PTPRN2: variants seen among roughly 807,000 people sequenced by gnomAD.
PTPRN2 encodes protein tyrosine phosphatase receptor type N2.
A neutral mutation model predicts 118.8 loss-of-function variants in PTPRN2; 74 were observed. The observed-to-expected ratio is 0.62, with a 90% CI of 0.52 to 0.76. The LOEUF is 0.76. PTPRN2 is among the 30% of genes least tolerant of loss of function. The probability of loss-of-function intolerance (pLI) is 0.00; values close to 1 mark genes in which losing one functional copy is unlikely to be tolerated. For synonymous variants in PTPRN2, 641 were observed against 608.0 expected (o/e 1.05, Z -0.80); for missense variants, 1,481 against 1,394.4 (o/e 1.06, Z -0.99).
Position 157,861,313 on chromosome 7 carries a change from G to T in PTPRN2, c.1788+37360C>A, listed in dbSNP as rs764984611. On this transcript the variant is annotated intron_variant, in intron 12 of 22. Transcript: ENST00000389418. The surrounding 1 kb of genome is among the most constrained non-coding windows in gnomAD (Gnocchi z 5.8). ...AATCCGTGGGAGGATGAGAGGCCTGGATTGCACCGGAAGCACCTCCGGCTG... is the reference window on the plus strand; with the variant it reads ...AATCCGTGGGAGGATGAGAGGCCTGTATTGCACCGGAAGCACCTCCGGCTG... 5.9e-5 allele frequency among the ~76,000 whole-genome samples: 9 copies of T among 152,254 alleles called. No homozygotes were observed. The highest frequency in any genetic ancestry group is 8.8e-5 in the Non-Finnish European group (6 of 68,040).
intron 11 of PTPRN2, among the ~76,000 whole-genome samples, chr7:157,978,765 C>A (rs1260487113): frequency 6.6e-6 from 1 of 151,984 alleles, no homozygotes; most frequent in Non-Finnish European, 1.5e-5. Flanking sequence ...GAAGCCTTTT[C>A]CCCTGATTTT....
intron 11 of PTPRN2, among the ~76,000 whole-genome samples, chr7:157,966,447 TCAA>T (rs1801936671): frequency 2.0e-5 from 3 of 151,214 alleles, no homozygotes; most frequent in Admixed American, 6.6e-5. Flanking sequence ...ATTATCACCA[TCAA>T]CATCTTCATC....
chr7:157,668,608 G>A (rs566775347), intron 13 of PTPRN2, among the ~76,000 whole-genome samples: 83 of 152,360 alleles, frequency 5.4e-4, no homozygotes, highest in African/African-American at 1.8e-3. Flanking sequence ...AGAACGTGGT[G>A]AACGGGAACC....
chr7:158,180,360 C>T lies in PTPRN2; in HGVS notation c.549+11967G>A, dbSNP rs553705808. 5.9e-5 allele frequency among the ~76,000 whole-genome samples: 9 copies of T among 152,220 alleles called. No individual in the cohort carries two copies. The South Asian group carries it at 8.3e-4, about 14-fold the overall frequency. ...TGCCTACTCTTCTACCAGTACCATG[C>T]TGTTTTGGTAACTCTAGCCTTGTAG... On this transcript the variant is annotated intron_variant, in intron 5 of 22. Coordinates refer to ENST00000389418, the MANE Select transcript of PTPRN2 (RefSeq NM_002847.5).
In PTPRN2 at chr7:158,110,113, C is replaced by T. The variant is rs115506463; in HGVS notation, c.1643+716G>A. On this transcript the variant is annotated intron_variant, in intron 10 of 22. Transcript: ENST00000389418. ...AGGCAGGTGGGCACACAGCCCGGGC[C>T]GGCCTCTTGTCTCACGTCCTCTGTG... 7.1e-3 allele frequency among the ~76,000 whole-genome samples: 1,083 copies of T among 152,322 alleles called. 13 individuals are homozygous for T. The highest frequency in any genetic ancestry group is 0.018 in the African/African-American group (728 of 41,562).
chr7:158,332,763 T>A (rs1480523769), intron 2 of PTPRN2, among the ~76,000 whole-genome samples: 6 of 150,948 alleles, frequency 4.0e-5, no homozygotes, highest in Non-Finnish European at 7.4e-5. Context: ...CAGAGGACAC[T>A]CACACCCATA....
At chr7:157,739,819 C>T (rs920073231) in intron 12 of PTPRN2, among the ~76,000 whole-genome samples, 6 of 152,240 alleles carry the variant, frequency 3.9e-5, no homozygotes, top group African/African-American at 1.4e-4. Flanking sequence ...GAACAGGACA[C>T]CTCCCAAGGT....
intron 12 of PTPRN2, among the ~76,000 whole-genome samples, chr7:157,860,041 G>A (rs1409268888): frequency 6.6e-6 from 1 of 152,226 alleles, no homozygotes; most frequent in Non-Finnish European, 1.5e-5. Flanking sequence ...CTCCTGCAGG[G>A]AGAGCCCCCA....
In PTPRN2 at chr7:158,212,660, A is replaced by G. The variant is rs538019406; in HGVS notation, c.278-7387T>C. 2.6e-5 allele frequency among the ~76,000 whole-genome samples: 4 copies of G among 152,300 alleles called. No homozygotes were observed. In the South Asian group the frequency reaches 8.3e-4, roughly 32 times the overall value. On this transcript the variant is annotated intron_variant, in intron 3 of 22. Transcript: ENST00000389418. Reference sequence around the variant, plus strand: ...AAAGATGGAAACATCTTCCATCTACATGGAAATATTGTGGTCACAGCAAAG... The same window carrying G: ...AAAGATGGAAACATCTTCCATCTACGTGGAAATATTGTGGTCACAGCAAAG...
intron 1 of PTPRN2, among the ~76,000 whole-genome samples, chr7:158,535,221 A>G (rs1825577592): frequency 6.6e-6 from 1 of 152,218 alleles, no homozygotes; most frequent in Admixed American, 6.5e-5. Flanking sequence ...GTCGAAGAAA[A>G]CAGCAGCTTT....
chr7:157,878,560 C>T (rs1430103224), intron 12 of PTPRN2, among the ~76,000 whole-genome samples: 1 of 144,916 alleles, frequency 6.9e-6, no homozygotes, highest in Non-Finnish European at 1.5e-5. Context: ...TGATACCGTG[C>T]ACCCACACTT....
chr7:157,878,493 C>T lies in PTPRN2; in HGVS notation c.1788+20180G>A, dbSNP rs1019444596. Among the ~76,000 whole-genome samples, 9 of 147,428 alleles carry T rather than the reference C, an allele frequency of 6.1e-5. 2 individuals carry two copies. The highest frequency in any genetic ancestry group is 2.3e-4 in the African/African-American group (9 of 39,116). ...CTGGAAGGGTCAGTGTGATACCGTGCACCCACGCTTACTCACCGAGGAGCT... is the reference window on the plus strand; with the variant it reads ...CTGGAAGGGTCAGTGTGATACCGTGTACCCACGCTTACTCACCGAGGAGCT... On this transcript the variant is annotated intron_variant, in intron 12 of 22. Transcript: ENST00000389418.
chr7:158,147,757 A>C (rs1585622128), intron 6 of PTPRN2, among the ~76,000 whole-genome samples: 1 of 97,576 alleles, frequency 1.0e-5, no homozygotes. Context: ...CCTCAATGAC[A>C]CCCCACCTCA....
chr7:158,522,353 G>A (rs77345297), intron 1 of PTPRN2, among the ~76,000 whole-genome samples: 2 of 90,632 alleles, frequency 2.2e-5, no homozygotes, highest in Non-Finnish European at 5.3e-5. Context: ...CACAATGGTG[G>A]ACTGTCCAGG....
chr7:158,406,242 C>G (rs1221187308), intron 2 of PTPRN2, among the ~76,000 whole-genome samples: 1 of 146,730 alleles, frequency 6.8e-6, no homozygotes, highest in Non-Finnish European at 1.5e-5. Flanking sequence ...ACACTGAGAT[C>G]CCGGTGGCTC....
intron 2 of PTPRN2, among the ~76,000 whole-genome samples, chr7:158,468,286 T>C (rs780833780): frequency 6.6e-6 from 1 of 152,162 alleles, no homozygotes; most frequent in African/African-American, 2.4e-5. Context: ...ACCATAGAAG[T>C]AATAATGAGG....
intron 12 of PTPRN2, among the ~76,000 whole-genome samples, chr7:157,823,890 C>A (rs1043228389): frequency 6.6e-6 from 1 of 152,138 alleles, no homozygotes; most frequent in Non-Finnish European, 1.5e-5. Flanking sequence ...ATCTGGAGGG[C>A]AAAGTGGGGA....
chr7:158,222,862 A>G (rs978516339), intron 3 of PTPRN2, among the ~76,000 whole-genome samples: 10 of 152,264 alleles, frequency 6.6e-5, no homozygotes, highest in Non-Finnish European at 1.3e-4. Context: ...TTTAAGTGAG[A>G]AAAAAATAGA....
chr7:158,342,769 G>T (rs1807148157), intron 2 of PTPRN2, among the ~76,000 whole-genome samples: 1 of 152,142 alleles, frequency 6.6e-6, no homozygotes, highest in South Asian at 2.1e-4. Context: ...GCAGCGGCAG[G>T]AAAGTCTGAC....
Sources: gnomAD v4.1 joint callset for allele counts (sites outside exome capture counted in the v4.1 genomes callset) on GRCh38, gnomAD v4.1.1 for gene constraint, Gnocchi (gnomAD v3.1) non-coding constraint, MANE v1.5 for transcripts, NCBI Gene and HGNC (gene_info 2026-07-23, HGNC 2026-07-21) for gene names.